Variants in EYS observed in about 807,000 individuals in gnomAD.
EYS encodes EGF-like photoreceptor maintenance factor.
A neutral mutation model predicts 282.1 loss-of-function variants in EYS; 250 were observed. That is an observed-to-expected ratio of 0.89 (90% CI 0.80 to 0.98). EYS has a LOEUF of 0.98. EYS is among the 50% of genes least tolerant of loss of function. The pLI is 0.00. For synonymous variants in EYS, 1,355 were observed against 1,282.9 expected (o/e 1.06, Z -1.20); for missense variants, 4,016 against 3,709.0 (o/e 1.08, Z -2.15).
intron 12 of EYS, among the ~76,000 whole-genome samples, chr6:65,153,184 T>A (rs1764653019): frequency 6.6e-6 from 1 of 151,822 alleles, no homozygotes; most frequent in African/African-American, 2.4e-5. Flanking sequence ...TAAGCCACCA[T>A]ATGGGAAGGC....
chr6:64,653,122 C>T (rs1462994459), intron 22 of EYS, among the ~76,000 whole-genome samples: 1 of 151,998 alleles, frequency 6.6e-6, no homozygotes, highest in Non-Finnish European at 1.5e-5. Context: ...GAAAATTGGG[C>T]TAAATGGAGA....
At chr6:65,642,798 G>A (rs1401834295) in intron 1 of EYS, among the ~76,000 whole-genome samples, 1 of 152,116 alleles carries the variant, frequency 6.6e-6, no homozygotes, top group African/African-American at 2.4e-5. Flanking sequence ...CAGATTTTTA[G>A]AAGTTTTTAA....
intron 2 of EYS, among the ~76,000 whole-genome samples, chr6:65,601,055 G>C (rs1291336346): frequency 1.3e-5 from 2 of 151,684 alleles, no homozygotes; most frequent in African/African-American, 4.8e-5. Flanking sequence ...AATACACGTT[G>C]CTTATTATGA....
chr6:63,748,560 G>A (rs111499073), intron 41 of EYS, among the ~76,000 whole-genome samples: 5,655 of 152,170 alleles, frequency 0.037, 182 homozygotes, highest in South Asian at 0.11. Flanking sequence ...TAGTAGGAAC[G>A]GTATCAGCTC....
chr6:65,233,046 A>G (rs1383094906), intron 12 of EYS, among the ~76,000 whole-genome samples: 1 of 152,076 alleles, frequency 6.6e-6, no homozygotes, highest in Non-Finnish European at 1.5e-5. Context: ...TCTTATTGAT[A>G]TTCTCCATTT....
At chr6:65,688,192 G>C (rs183973600) in intron 1 of EYS, among the ~76,000 whole-genome samples, 2 of 151,992 alleles carry the variant, frequency 1.3e-5, no homozygotes, top group African/African-American at 4.8e-5. Flanking sequence ...ATACTACAAG[G>C]CTACAGTAAC....
At chr6:65,597,871 C>G (rs1765463543) in intron 2 of EYS, among the ~76,000 whole-genome samples, 1 of 151,946 alleles carries the variant, frequency 6.6e-6, no homozygotes. Flanking sequence ...GAGGTCAAGG[C>G]GGGCAGATCA....
intron 2 of EYS, among the ~76,000 whole-genome samples, chr6:65,547,332 G>A (rs945658998): frequency 6.6e-6 from 1 of 151,644 alleles, no homozygotes; most frequent in Non-Finnish European, 1.5e-5. Context: ...CTCTTCTAAT[G>A]TTGGTCATAG....
chr6:64,001,502 G>A (rs1254343946), intron 33 of EYS, among the ~76,000 whole-genome samples: 1 of 151,652 alleles, frequency 6.6e-6, no homozygotes, highest in African/African-American at 2.4e-5. Flanking sequence ...ATAATTTTTA[G>A]GTATGCTTAG....
At chr6:65,409,939 C>T (rs1281930646) in intron 5 of EYS, among the ~76,000 whole-genome samples, 1 of 151,864 alleles carries the variant, frequency 6.6e-6, no homozygotes, top group Non-Finnish European at 1.5e-5. Context: ...AACAACTCAA[C>T]CTTTAATTTG....
At chr6:65,310,919 T>C (rs1423574969) in intron 11 of EYS, among the ~76,000 whole-genome samples, 2 of 152,060 alleles carry the variant, frequency 1.3e-5, no homozygotes, top group Non-Finnish European at 2.9e-5. Context: ...TTTAAAATAT[T>C]ATTTATTTCT....
intron 29 of EYS, among the ~76,000 whole-genome samples, chr6:64,382,012 T>A (rs1772763295): frequency 6.6e-6 from 1 of 152,178 alleles, no homozygotes; most frequent in Non-Finnish European, 1.5e-5. Context: ...TCAGCCCTTA[T>A]TCTATTTTGT....
chr6:64,007,340 G>A (rs1466851673), intron 33 of EYS, among the ~76,000 whole-genome samples: 3 of 149,970 alleles, frequency 2.0e-5, no homozygotes, highest in African/African-American at 4.9e-5. Context: ...TGGTGGTAAT[G>A]TCCCCTTTGT....
chr6:64,694,147 G>A (rs558174909), intron 22 of EYS, among the ~76,000 whole-genome samples: 70 of 152,096 alleles, frequency 4.6e-4, no homozygotes, highest in African/African-American at 1.6e-3. Flanking sequence ...AAAATAAATC[G>A]TTGTTGGGTT....
At chr6:64,884,274 A>C (rs1583257592) in intron 19 of EYS, among the ~76,000 whole-genome samples, 1 of 151,590 alleles carries the variant, frequency 6.6e-6, no homozygotes, top group East Asian at 1.9e-4. Flanking sequence ...ATTTAATGTT[A>C]TTTTAACTTT....
chr6:65,689,205 T>A (rs1212907524), intron 1 of EYS, among the ~76,000 whole-genome samples: 1 of 149,588 alleles, frequency 6.7e-6, no homozygotes, highest in Non-Finnish European at 1.5e-5. Flanking sequence ...TAAAAAAGGA[T>A]GAATTCATGT....
intron 26 of EYS, among the ~76,000 whole-genome samples, chr6:64,478,783 T>A (rs1582803203): frequency 6.6e-6 from 1 of 151,132 alleles, no homozygotes; most frequent in Non-Finnish European, 1.5e-5. Context: ...TTAAAAATAA[T>A]CTATAGTATA....
chr6:64,235,108 CTTTAAG>C (rs1215837713), intron 30 of EYS, among the ~76,000 whole-genome samples: 2 of 150,028 alleles, frequency 1.3e-5, no homozygotes, highest in African/African-American at 4.9e-5. Context: ...TATTATCATA[CTTTAAG>C]TTTTAGGGTA....
intron 2 of EYS, among the ~76,000 whole-genome samples, chr6:65,633,084 A>G (rs576427258): frequency 6.6e-6 from 1 of 152,324 alleles, no homozygotes; most frequent in African/African-American, 2.4e-5. Context: ...ATACTATATA[A>G]AGTATTTTTC....
Sources: gnomAD v4.1 joint callset for allele counts (sites outside exome capture counted in the v4.1 genomes callset) on GRCh38, gnomAD v4.1.1 for gene constraint, MANE v1.5 for transcripts, NCBI Gene and HGNC (gene_info 2026-07-23, HGNC 2026-07-21) for gene names.